The following BRDT variants were observed in gnomAD, a reference collection of about 807,000 sequenced individuals.
BRDT encodes the protein bromodomain testis associated.
Under a neutral mutation model 113.9 loss-of-function variants are expected in BRDT, and 77 were observed. That is an observed-to-expected ratio of 0.68 (90% CI 0.56 to 0.82). The LOEUF (loss-of-function observed/expected upper bound fraction) is 0.82, where lower values mean the gene tolerates loss of function less well. Among genes scored for constraint, BRDT ranks in the 40% least tolerant of loss-of-function variants. The probability of loss-of-function intolerance (pLI) is 0.00; values close to 1 mark genes in which losing one functional copy is unlikely to be tolerated. For synonymous variants in BRDT, 358 were observed against 366.5 expected, an observed-to-expected ratio of 0.98 and a Z score of 0.26; for missense variants, 1,027 against 1,105.4, an observed-to-expected ratio of 0.93 and a Z score of 1.01.
rs1331864263 is a variant in BRDT at position 91,950,740 on chromosome 1, C to CA, written c.-38+1059dup. On this transcript the variant is annotated intron_variant, in intron 1 of 18. Transcript: ENST00000399546. ...GATAGCTGCTATGGCTGGGCGATCT[C>CA]AGAGGATCGCCTGAGTCGCTCACGC... is the stretch of plus-strand genomic sequence containing the variant. 2.5e-5 allele frequency: 3 copies of CA among 121,990 alleles called. No homozygotes were observed. In the East Asian group the frequency reaches 7.8e-4, roughly 32 times the overall value. The allele number at this position is 121,990 out of a possible 1,614,324, so 7.6% of individuals were successfully genotyped here. A position where few individuals can be genotyped will look rare whatever the true frequency, so the allele number is the denominator to read the frequency against.
intron 18 of BRDT, among the ~76,000 whole-genome samples, chr1:92,010,912 A>G (rs1037235171): frequency 6.6e-6 from 1 of 151,084 alleles, no homozygotes; most frequent in African/African-American, 2.4e-5. Context: ...GCTTCTTTGC[A>G]TAACTAATAA....
chr1:91,958,108 G>A (rs1570429976), intron 1 of BRDT, among the ~76,000 whole-genome samples: 1 of 152,062 alleles, frequency 6.6e-6, no homozygotes, highest in Non-Finnish European at 1.5e-5. Context: ...CTTCCAAAGC[G>A]CTGGGATTAC....
chr1:91,976,922 A>T, intron 5 of BRDT, 121 bp from the exon 6 acceptor site: 2 of 759,950 alleles, frequency 2.6e-6, no homozygotes, highest in Non-Finnish European at 4.1e-6. Flanking sequence ...CAATATGTGT[A>T]AATTATCTAT....
chr1:91,966,282 G>A (rs890014415), intron 3 of BRDT, among the ~76,000 whole-genome samples: 11 of 152,184 alleles, frequency 7.2e-5, no homozygotes, highest in African/African-American at 2.2e-4. Flanking sequence ...TTGTGATTTC[G>A]TTTATTCAAA....
At chr1:91,993,940 A>C (rs1404047968) in intron 14 of BRDT, 143 bp from the exon 15 acceptor site, 3 of 698,038 alleles carry the variant, frequency 4.3e-6, no homozygotes, top group Middle Eastern at 3.9e-4. Context: ...ATAACTATAC[A>C]TTATAGATTT....
intron 4 of BRDT, among the ~76,000 whole-genome samples, chr1:91,969,446 T>G (rs141285271): frequency 6.6e-6 from 1 of 152,050 alleles, no homozygotes; most frequent in South Asian, 2.1e-4. Flanking sequence ...CTATGAGATA[T>G]TCACATATTC....
intron 13 of BRDT, among the ~76,000 whole-genome samples, chr1:91,991,913 A>C (rs1007681293): frequency 2.0e-5 from 3 of 149,442 alleles, no homozygotes; most frequent in South Asian, 2.2e-4. Context: ...GATGGCGTGA[A>C]CCCGGGAGGC....
At chr1:92,006,370 A>G (rs1271659011) in intron 18 of BRDT, among the ~76,000 whole-genome samples, 1 of 151,508 alleles carries the variant, frequency 6.6e-6, no homozygotes, top group African/African-American at 2.4e-5. Context: ...CCATCGTTTT[A>G]CTTTTAACCT....
At chr1:91,974,292 A>G (rs1683905139) in intron 4 of BRDT, among the ~76,000 whole-genome samples, 1 of 152,246 alleles carries the variant, frequency 6.6e-6, no homozygotes, top group Non-Finnish European at 1.5e-5. Flanking sequence ...AATGGAATCT[A>G]ATTAAACTAA....
At chr1:92,004,703 CTA>C (rs1239472383) in intron 17 of BRDT, 84 bp downstream of exon 17, 35 of 1,242,236 alleles carry the variant, frequency 2.8e-5, no homozygotes, top group African/African-American at 2.8e-4. Flanking sequence ...TGTTAAGTGA[CTA>C]TGATTCAACT....
At position 91,977,132 on chromosome 1, in the gene BRDT, A is replaced by AAGTAGT; in HGVS notation, c.708_709insAGTAGT (p.Thr236_Glu237insSerSer). On this transcript the variant is annotated inframe_insertion, in exon 6 of 19. Transcript: ENST00000399546. ...GTAGTGAATTTTCTCCAACATTCAC[A>AAGTAGT]GAAAAATCAGTGGCACTGCCACCTA... is the stretch of plus-strand genomic sequence containing the variant. 6.2e-7 allele frequency: 1 copy of AAGTAGT among 1,613,932 alleles called. No homozygotes were observed. Among genetic ancestry groups the AAGTAGT allele is most frequent in the Non-Finnish European group, 8.5e-7 (1 of 1,179,970 alleles).
chr1:91,992,370 T>C, intron 14 of BRDT, 56 bp downstream of exon 14: 1 of 1,187,186 alleles, frequency 8.4e-7, no homozygotes, highest in Non-Finnish European at 1.2e-6. Flanking sequence ...ACATATAGAT[T>C]AGGGGCTTAC....
chr1:91,983,365 C>T (rs985545981), intron 12 of BRDT, among the ~76,000 whole-genome samples: 14 of 150,888 alleles, frequency 9.3e-5, no homozygotes, highest in African/African-American at 1.5e-4. Context: ...CCTGGGTTCA[C>T]GCCGTTCTCC....
chr1:92,002,277 AC>A (rs1686927067), intron 16 of BRDT, 128 bp downstream of exon 16: 1 of 675,076 alleles, frequency 1.5e-6, no homozygotes, highest in Non-Finnish European at 2.5e-6. Flanking sequence ...ATTTTTGCCT[AC>A]GTAATTTTTT....
At chr1:91,950,118 G>C (rs1680888024) in intron 1 of BRDT, 1 of 152,096 alleles carries the variant, frequency 6.6e-6, no homozygotes, top group Admixed American at 6.6e-5. Flanking sequence ...GATTGTGGTG[G>C]GCTTTACTTC....
chr1:91,997,578 G>A (rs2101773716), intron 15 of BRDT, among the ~76,000 whole-genome samples: 1 of 152,226 alleles, frequency 6.6e-6, no homozygotes, highest in East Asian at 1.9e-4. Flanking sequence ...ATGTAGTCAA[G>A]GTGTTCTCTT....
rs755867414 is a variant in BRDT, at chr1:91,964,664, A to T, written c.230A>T (p.Asn77Ile). Residue 77 changes from asparagine to isoleucine, a missense_variant, in exon 3 of 19, where the codon AAT (asparagine) becomes ATT (isoleucine). By Grantham distance (149) the Asn-to-Ile change is moderately radical (BLOSUM62 -3). Coordinates refer to ENST00000399546, the MANE Select transcript of BRDT (RefSeq NM_207189.4). ...ATTATAAAAAACCCAATGGATTTAAATACAATTAAGAAGCGCTTGGAGAAT... is the reference window on the plus strand; with the variant it reads ...ATTATAAAAAACCCAATGGATTTAATTACAATTAAGAAGCGCTTGGAGAAT... ...YTIIKNPMDL[N>I]TIKKRLENKY... 5 of 1,483,950 alleles carry T rather than the reference A, an allele frequency of 3.4e-6. No individual in the cohort carries two copies. The highest frequency in any genetic ancestry group is 4.6e-6 in the Non-Finnish European group (5 of 1,080,306). The allele number at this position is 1,483,950 out of a possible 1,614,324, so 91.9% of individuals were successfully genotyped here. A position where few individuals can be genotyped will look rare whatever the true frequency, so the allele number is the denominator to read the frequency against.
chr1:91,986,765 A>G (rs1402392373), intron 12 of BRDT, among the ~76,000 whole-genome samples: 2 of 152,188 alleles, frequency 1.3e-5, no homozygotes, highest in Non-Finnish European at 2.9e-5. Flanking sequence ...TTTTTCATGC[A>G]AGGTTTGGAA....
At chr1:91,958,594 T>G (rs1363138944) in intron 1 of BRDT, among the ~76,000 whole-genome samples, 1 of 152,188 alleles carries the variant, frequency 6.6e-6, no homozygotes, top group Non-Finnish European at 1.5e-5. Context: ...TTCACCTACT[T>G]AAGGACATCT....
Sources: gnomAD v4.1 joint callset for allele counts (sites outside exome capture counted in the v4.1 genomes callset) on GRCh38, gnomAD v4.1.1 for gene constraint, MANE v1.5 for transcripts, NCBI Gene and HGNC (gene_info 2026-07-23, HGNC 2026-07-21) for gene names.